Variants in GRID1 observed in about 807,000 individuals in gnomAD.
GRID1 encodes the protein glutamate receptor ionotropic, delta-1.
A neutral mutation model predicts 98.0 loss-of-function variants in GRID1; 28 were observed. The observed-to-expected ratio is 0.29, with a 90% confidence interval of 0.21 to 0.39. The LOEUF (loss-of-function observed/expected upper bound fraction) is 0.39. Among genes scored for constraint, GRID1 ranks in the 10% least tolerant of loss-of-function variants. The pLI, the probability that GRID1 is intolerant of heterozygous loss-of-function variation, is 1.00. For synonymous variants in GRID1, 553 were observed against 538.5 expected, an observed-to-expected ratio of 1.03 and a Z score of -0.37; for missense variants, 1,111 against 1,340.5, an observed-to-expected ratio of 0.83 and a Z score of 2.67.
chr10:85,640,018 A>G (rs990395531), intron 13 of GRID1, among the ~76,000 whole-genome samples: 1 of 152,222 alleles, frequency 6.6e-6, no homozygotes, highest in African/African-American at 2.4e-5. Flanking sequence ...ACTAATCTGG[A>G]CAGACCTTCC....
At chr10:86,176,555 C>T (rs1242250265) in intron 3 of GRID1, among the ~76,000 whole-genome samples, 2 of 152,082 alleles carry the variant, frequency 1.3e-5, no homozygotes, top group African/African-American at 2.4e-5. Context: ...AGTGAGAAGA[C>T]GAGGAGATGA....
chr10:85,821,970 C>A (rs12255463), intron 8 of GRID1, among the ~76,000 whole-genome samples: 41,186 of 151,852 alleles, frequency 0.27, 5,788 homozygotes, highest in African/African-American at 0.33. Flanking sequence ...GTGCTGGGAA[C>A]ACTGGCTAGC....
chr10:86,076,410 C>T (rs1311543189), intron 4 of GRID1, among the ~76,000 whole-genome samples: 1 of 152,186 alleles, frequency 6.6e-6, no homozygotes, highest in Non-Finnish European at 1.5e-5. Flanking sequence ...ACCTGAAGCT[C>T]GGCAGCTGCT....
chr10:86,117,646 C>G (rs917395964), intron 4 of GRID1, among the ~76,000 whole-genome samples: 15 of 152,164 alleles, frequency 9.9e-5, no homozygotes, highest in African/African-American at 3.6e-4. Context: ...CACCATTAAC[C>G]TCACAGATCA....
At chr10:86,190,878 G>A (rs936609474) in intron 3 of GRID1, among the ~76,000 whole-genome samples, 12 of 151,732 alleles carry the variant, frequency 7.9e-5, no homozygotes, top group South Asian at 2.1e-4. Flanking sequence ...GTGCATAGTC[G>A]TGCATGCATG....
chr10:85,691,552 T>C lies in GRID1; in HGVS notation c.1997+31451A>G, dbSNP rs571476221. ...GATTTAAAGACTTTCCCCTCTTCAATCATAGCTGTGGACCTCAAAATGTTC... is the reference window on the plus strand; with the variant it reads ...GATTTAAAGACTTTCCCCTCTTCAACCATAGCTGTGGACCTCAAAATGTTC... On this transcript the variant is annotated intron_variant, in intron 12 of 15. Transcript: ENST00000327946. Among the ~76,000 whole-genome samples, 24 of 152,306 alleles carry C rather than the reference T, an allele frequency of 1.6e-4. 1 individual carries two copies. In the South Asian group the frequency reaches 5.0e-3, roughly 32 times the overall value.
intron 2 of GRID1, among the ~76,000 whole-genome samples, chr10:86,229,059 G>A (rs75868497): frequency 0.28 from 43,201 of 152,034 alleles, 6,988 homozygotes; most frequent in Non-Finnish European, 0.38. Flanking sequence ...CGTGCCCTCC[G>A]AATAGGGACT....
At chr10:85,799,939 A>T (rs1291796804) in intron 8 of GRID1, among the ~76,000 whole-genome samples, 1 of 152,260 alleles carries the variant, frequency 6.6e-6, no homozygotes, top group South Asian at 2.1e-4. Flanking sequence ...TTTGATTATT[A>T]TACAATGTAT....
intron 8 of GRID1, among the ~76,000 whole-genome samples, chr10:85,789,638 CAATT>C (rs949038954): frequency 1.3e-5 from 2 of 152,130 alleles, no homozygotes; most frequent in Non-Finnish European, 2.9e-5. Context: ...TCCTTTGCCA[CAATT>C]AAAGCAGCAA....
chr10:86,309,199 T>C (rs1170654025), intron 2 of GRID1, among the ~76,000 whole-genome samples: 1 of 151,738 alleles, frequency 6.6e-6, no homozygotes, highest in African/African-American at 2.4e-5. Flanking sequence ...GACAACAGAG[T>C]AAGGTGAGTC....
intron 3 of GRID1, among the ~76,000 whole-genome samples, chr10:86,176,959 C>T (rs1175793344): frequency 6.6e-6 from 1 of 152,028 alleles, no homozygotes; most frequent in African/African-American, 2.4e-5. Flanking sequence ...CCAGCCAAGA[C>T]AAAAGTAGAC....
chr10:85,812,143 G>A (rs1195820657), intron 8 of GRID1, among the ~76,000 whole-genome samples: 1 of 152,046 alleles, frequency 6.6e-6, no homozygotes, highest in Non-Finnish European at 1.5e-5. Flanking sequence ...TCCCAGATAA[G>A]CAAAAACTAC....
intron 4 of GRID1, among the ~76,000 whole-genome samples, chr10:86,004,132 C>T (rs532612704): frequency 1.3e-5 from 2 of 152,326 alleles, no homozygotes; most frequent in East Asian, 3.9e-4. Context: ...GGGTAAGTAA[C>T]TTGCCTAAGT....
intron 8 of GRID1, among the ~76,000 whole-genome samples, chr10:85,759,587 C>T (rs529330369): frequency 4.0e-4 from 61 of 152,104 alleles, no homozygotes; most frequent in Non-Finnish European, 7.6e-4. Flanking sequence ...TGGTAAAAGG[C>T]GATTTGCACA....
chr10:86,174,075 C>T (rs1252376303), intron 3 of GRID1, among the ~76,000 whole-genome samples: 1 of 152,108 alleles, frequency 6.6e-6, no homozygotes, highest in African/African-American at 2.4e-5. Flanking sequence ...GACTTATAGT[C>T]CTTTGGGTAT....
intron 5 of GRID1, among the ~76,000 whole-genome samples, chr10:85,885,878 C>A (rs1221342662): frequency 6.6e-6 from 1 of 152,198 alleles, no homozygotes; most frequent in African/African-American, 2.4e-5. Flanking sequence ...ATAATAAAAA[C>A]TTAGATGAGG....
At chr10:85,911,493 T>C (rs1437921118) in intron 5 of GRID1, among the ~76,000 whole-genome samples, 2 of 152,204 alleles carry the variant, frequency 1.3e-5, no homozygotes, top group Non-Finnish European at 2.9e-5. Flanking sequence ...CCTCCCTTTT[T>C]AGAAGTCACC....
chr10:85,786,430 C>A (rs984298803), intron 8 of GRID1, among the ~76,000 whole-genome samples: 2 of 152,204 alleles, frequency 1.3e-5, no homozygotes, highest in African/African-American at 4.8e-5. Flanking sequence ...ATTGATGTGA[C>A]AACCCCTGCT....
intron 12 of GRID1, among the ~76,000 whole-genome samples, chr10:85,669,068 G>A (rs1412824853): frequency 6.6e-6 from 1 of 152,216 alleles, no homozygotes; most frequent in African/African-American, 2.4e-5. Flanking sequence ...TGACACATGG[G>A]CTAATCACAG....
Sources: gnomAD v4.1 joint callset for allele counts (sites outside exome capture counted in the v4.1 genomes callset) on GRCh38, gnomAD v4.1.1 for gene constraint, MANE v1.5 for transcripts, NCBI Gene and HGNC (gene_info 2026-07-23, HGNC 2026-07-21) for gene names.